DPP6: variants seen among roughly 807,000 people sequenced by gnomAD.
The protein encoded by DPP6 is dipeptidyl peptidase like 6.
A neutral mutation model predicts 122.6 loss-of-function variants in DPP6; 69 were observed. The ratio of observed to expected loss-of-function variants is 0.56; its 90% CI spans 0.46 to 0.69. The LOEUF is 0.69. Among genes scored for constraint, DPP6 ranks in the 30% least tolerant of loss-of-function variants. DPP6 has a pLI of 0.00. For synonymous variants in DPP6, 418 were observed against 433.1 expected, an observed-to-expected ratio of 0.97 and a Z score of 0.43; for missense variants, 928 against 1,116.9, an observed-to-expected ratio of 0.83 and a Z score of 2.41.
At chr7:154,824,682 A>G (rs550701300) in intron 16 of DPP6, among the ~76,000 whole-genome samples, 1 of 152,366 alleles carries the variant, frequency 6.6e-6, no homozygotes, top group East Asian at 1.9e-4. Context: ...CATAAAAAGA[A>G]TCAGTCCCAA....
At chr7:153,898,406 G>A (rs1330541212) in intron 1 of DPP6, among the ~76,000 whole-genome samples, 1 of 152,066 alleles carries the variant, frequency 6.6e-6, no homozygotes, top group East Asian at 1.9e-4. Flanking sequence ...GAGCTGTGAT[G>A]GTGCCACGGC....
chr7:154,209,040 A>G (rs143549770), intron 1 of DPP6, among the ~76,000 whole-genome samples: 1 of 152,350 alleles, frequency 6.6e-6, no homozygotes, highest in African/African-American at 2.4e-5. Flanking sequence ...GCAGGAAGTT[A>G]GAGTTGTCAG....
intron 1 of DPP6, among the ~76,000 whole-genome samples, chr7:154,225,892 T>G (rs1451540055): frequency 6.6e-6 from 1 of 152,178 alleles, no homozygotes; most frequent in African/African-American, 2.4e-5. Context: ...TAACTTCGTA[T>G]AGCAAGCAAT....
chr7:154,455,729 A>C (rs184296897), intron 2 of DPP6, among the ~76,000 whole-genome samples: 1 of 152,336 alleles, frequency 6.6e-6, no homozygotes, highest in East Asian at 1.9e-4. Flanking sequence ...AAAGGATGGC[A>C]GTAGATGCTT....
chr7:154,050,093 C>T (rs1486043751), upstream of DPP6, among the ~76,000 whole-genome samples: 2 of 152,174 alleles, frequency 1.3e-5, no homozygotes, highest in Non-Finnish European at 2.9e-5. Context: ...TCTTTCCTGC[C>T]CTCCGTTTCT....
intron 1 of DPP6, among the ~76,000 whole-genome samples, chr7:154,060,353 A>C (rs868141609): frequency 4.4e-3 from 226 of 50,942 alleles, no homozygotes; most frequent in South Asian, 8.2e-3. Context: ...CCCGCGAGGC[A>C]GGGACTGAGA....
At chr7:154,097,615 C>G (rs2150562996) in intron 1 of DPP6, among the ~76,000 whole-genome samples, 1 of 152,342 alleles carries the variant, frequency 6.6e-6, no homozygotes, top group African/African-American at 2.4e-5. Context: ...ATAAATTACC[C>G]CAACACTTAG....
rs866256488 is a variant in DPP6, at chr7:154,544,010, A to T, written c.552+3384A>T. The stretch of plus-strand genomic sequence containing the variant: ...CTCCATCTCAAAAAAAAAAAAAAAA[A>T]AAAGAGTTTCTGTATGTGTAAACAT... On this transcript the variant is annotated intron_variant, in intron 4 of 25. Transcript: ENST00000377770. 8.7e-3 allele frequency among the ~76,000 whole-genome samples: 1,305 copies of T among 149,496 alleles called. 19 individuals are homozygous for T. Among genetic ancestry groups the T allele is most frequent in the African/African-American group, 0.03 (1,219 of 40,694 alleles).
intron 6 of DPP6, among the ~76,000 whole-genome samples, chr7:154,645,731 A>G (rs1295305222): frequency 1.3e-5 from 2 of 152,132 alleles, no homozygotes; most frequent in Non-Finnish European, 2.9e-5. Context: ...TTTGGTTCAT[A>G]GAAAATACTG....
chr7:154,801,286 A>T, intron 12 of DPP6, 69 bp from the exon 13 acceptor site: 1 of 1,543,904 alleles, frequency 6.5e-7, no homozygotes, highest in Non-Finnish European at 8.8e-7. Flanking sequence ...GGTGTATTTT[A>T]TCCTGGTTCA....
At chr7:154,796,981 G>A (rs1177762121) in intron 12 of DPP6, among the ~76,000 whole-genome samples, 1 of 152,180 alleles carries the variant, frequency 6.6e-6, no homozygotes. Context: ...GAAGATATCG[G>A]GAAGAGGGAA....
In DPP6 at chr7:153,909,343, G is replaced by T. The variant is rs192383328; in HGVS notation, c.51+21609G>T. On this transcript the variant is annotated intron_variant, in intron 1 of 25. Coordinates refer to the DPP6 transcript ENST00000404039. ...GGGCATTGTTGTAGAGCAGAGCCAC[G>T]CCCTTCCATTCCAGAGCACTTGGAG... is the stretch of plus-strand genomic sequence containing the variant. Among the ~76,000 whole-genome samples, 476 of 152,198 alleles carry T rather than the reference G, an allele frequency of 3.1e-3. 3 individuals carry two copies. The highest frequency in any genetic ancestry group is 2.0e-3 in the Non-Finnish European group (136 of 68,012).
intron 1 of DPP6, among the ~76,000 whole-genome samples, chr7:154,153,548 G>A (rs1181290434): frequency 6.6e-6 from 1 of 152,142 alleles, no homozygotes; most frequent in Non-Finnish European, 1.5e-5. Context: ...TGATAAAGAT[G>A]GGTGCTTCTG....
rs1275172305 is a variant in DPP6, at chr7:154,258,135, C to T, written c.244-188079C>T. The stretch of plus-strand genomic sequence containing the variant: ...GGAGGAGAGGAGAGATGAGGCGAGG[C>T]GAGGGGAGGGGAGGCGAGGGGAGGG... On this transcript the variant is annotated intron_variant, in intron 1 of 25. Transcript: ENST00000377770. 1.3e-3 allele frequency among the ~76,000 whole-genome samples: 90 copies of T among 71,316 alleles called. 2 individuals carry two copies. The East Asian group carries it at 0.026, about 21-fold the overall frequency. The allele number at this position is 71,316 out of a possible 152,430, so 46.8% of individuals were successfully genotyped here.
chr7:154,148,798 G>C (rs1377120589), intron 1 of DPP6, among the ~76,000 whole-genome samples: 10 of 152,232 alleles, frequency 6.6e-5, no homozygotes, highest in Non-Finnish European at 1.3e-4. Flanking sequence ...TGTATTAGCT[G>C]TTCTCACGCC....
chr7:154,854,803 G>A (rs1291540487), intron 17 of DPP6, among the ~76,000 whole-genome samples: 5 of 152,182 alleles, frequency 3.3e-5, no homozygotes, highest in Admixed American at 2.6e-4. Context: ...GGAGGCAGAG[G>A]CACAGCACAG....
intron 7 of DPP6, among the ~76,000 whole-genome samples, chr7:154,711,716 A>T (rs1423348254): frequency 1.3e-5 from 2 of 152,162 alleles, no homozygotes; most frequent in Non-Finnish European, 2.9e-5. Flanking sequence ...ATACTGAGCT[A>T]TGCAACATGT....
chr7:154,574,387 GTGTA>G (rs1431188470), intron 5 of DPP6, among the ~76,000 whole-genome samples: 1 of 146,568 alleles, frequency 6.8e-6, no homozygotes, highest in African/African-American at 2.6e-5. Flanking sequence ...TATGTGGTGT[GTGTA>G]TGTGTGTGGT....
the DPP6 span, among the ~76,000 whole-genome samples, chr7:153,804,644 C>T: frequency 7.9e-5 from 12 of 152,076 alleles, no homozygotes; most frequent in African/African-American, 2.7e-4. Flanking sequence ...CCTGTAATCC[C>T]AGCACTTTGG....
Sources: gnomAD v4.1 joint callset for allele counts (sites outside exome capture counted in the v4.1 genomes callset) on GRCh38, gnomAD v4.1.1 for gene constraint, MANE v1.5 for transcripts, NCBI Gene and HGNC (gene_info 2026-07-23, HGNC 2026-07-21) for gene names.